KCNIP1: variants seen among roughly 807,000 people sequenced by gnomAD.
KCNIP1 encodes the protein potassium voltage-gated channel interacting protein 1.
In KCNIP1, 18 loss-of-function variants were observed where a neutral mutation model predicts 33.0. That is an observed-to-expected ratio of 0.55 (90% CI 0.38 to 0.81). The LOEUF (loss-of-function observed/expected upper bound fraction) is 0.81, where lower values mean the gene tolerates loss of function less well. Ranked by LOEUF, KCNIP1 falls within the 30% of genes least tolerant of loss-of-function variation. The pLI is 0.00. For missense variants in KCNIP1, 238 were observed against 271.6 expected (o/e 0.88, Z 0.87); for synonymous variants, 93 against 98.3 (o/e 0.95, Z 0.32).
At chr5:170,650,283 C>T (rs1337465202) in intron 1 of KCNIP1, among the ~76,000 whole-genome samples, 1 of 151,938 alleles carries the variant, frequency 6.6e-6, no homozygotes, top group East Asian at 1.9e-4. Flanking sequence ...ATAACTATCA[C>T]CCCCCAAAGT....
At position 170,693,280 on chromosome 5, in the gene KCNIP1, A is replaced by G. The variant is rs1022865865; in HGVS notation, c.62-25478A>G. Among the ~76,000 whole-genome samples, 9 of 151,886 alleles carry G rather than the reference A, an allele frequency of 5.9e-5. 1 individual carries two copies. In the South Asian group the frequency reaches 1.9e-3, roughly 32 times the overall value. On this transcript the variant is annotated intron_variant, in intron 1 of 7. Coordinates refer to ENST00000328939, the MANE Select transcript of KCNIP1 (RefSeq NM_014592.4). ...CCCGACACACACACATTGTCCCTTC[A>G]AGATGGAGCCAGGCTGACACCACGT...
chr5:170,665,927 A>G (rs1467000915), intron 1 of KCNIP1, among the ~76,000 whole-genome samples: 1 of 152,186 alleles, frequency 6.6e-6, no homozygotes, highest in Non-Finnish European at 1.5e-5. Context: ...TGAAGAGTGC[A>G]TGTTATCAAC....
In KCNIP1 at chr5:170,637,993, A is replaced by G. The variant is rs568705700; in HGVS notation, c.62-80765A>G. 1.2e-4 allele frequency among the ~76,000 whole-genome samples: 17 copies of G among 143,780 alleles called. No homozygotes were observed. The South Asian group carries it at 1.7e-3, about 15-fold the overall frequency. The allele number at this position is 143,780 out of a possible 152,430, so 94.3% of individuals were successfully genotyped here. A position where few individuals can be genotyped will look rare whatever the true frequency, so the allele number is the denominator to read the frequency against. On this transcript the variant is annotated intron_variant, in intron 1 of 7. Transcript: ENST00000328939. ...ATTCTCCACCCTCCCAGTTCAGCTT[A>G]AAGCAGAGAAGTGAGAGGTGCCCAA...
chr5:170,477,643 C>T (rs1014381648), intron 1 of KCNIP1, among the ~76,000 whole-genome samples: 1 of 152,024 alleles, frequency 6.6e-6, no homozygotes, highest in African/African-American at 2.4e-5. Context: ...ACAGTTTCAC[C>T]GTGTGGGCCA....
At chr5:170,461,084 T>A (rs1470955348) in intron 1 of KCNIP1, among the ~76,000 whole-genome samples, 1 of 151,986 alleles carries the variant, frequency 6.6e-6, no homozygotes, top group Non-Finnish European at 1.5e-5. Context: ...AATAAAATAC[T>A]TAGGAATATA....
chr5:170,601,464 C>T (rs1379982514), intron 1 of KCNIP1, among the ~76,000 whole-genome samples: 3 of 152,200 alleles, frequency 2.0e-5, no homozygotes, highest in African/African-American at 7.2e-5. Flanking sequence ...AGGGCTCCAG[C>T]TCCAGGGCTC....
chr5:170,401,616 G>C (rs1383996340), intron 1 of KCNIP1, among the ~76,000 whole-genome samples: 1 of 152,116 alleles, frequency 6.6e-6, no homozygotes, highest in Non-Finnish European at 1.5e-5. Flanking sequence ...CTTTTAATGA[G>C]CCAGGCATGG....
chr5:170,495,034 T>C (rs1757283084), intron 1 of KCNIP1, among the ~76,000 whole-genome samples: 1 of 152,228 alleles, frequency 6.6e-6, no homozygotes, highest in Admixed American at 6.5e-5. Flanking sequence ...ACCAGAAAGT[T>C]ACTTTGCTTA....
intron 1 of KCNIP1, among the ~76,000 whole-genome samples, chr5:170,710,674 G>T (rs1405290153): frequency 6.6e-6 from 1 of 152,184 alleles, no homozygotes; most frequent in Non-Finnish European, 1.5e-5. Context: ...CTTCAAAAAT[G>T]ATGAGATTTT....
intron 1 of KCNIP1, among the ~76,000 whole-genome samples, chr5:170,574,382 CA>C (rs1757523070): frequency 6.6e-6 from 1 of 152,132 alleles, no homozygotes; most frequent in African/African-American, 2.4e-5. Flanking sequence ...AAAGATTAAG[CA>C]AAACAAGTCA....
chr5:170,493,024 A>T (rs1757239129), intron 1 of KCNIP1, among the ~76,000 whole-genome samples: 1 of 152,196 alleles, frequency 6.6e-6, no homozygotes, highest in African/African-American at 2.4e-5. Context: ...CTGGGATTAC[A>T]GGCGTAAGCC....
chr5:170,514,228 T>A (rs1755041432), intron 1 of KCNIP1, among the ~76,000 whole-genome samples: 1 of 152,192 alleles, frequency 6.6e-6, no homozygotes, highest in South Asian at 2.1e-4. Flanking sequence ...GAGTGAGGGA[T>A]GTTCTGGTGG....
chr5:170,378,668 G>C (rs761760554), intron 1 of KCNIP1: 4 of 1,566,706 alleles, frequency 2.6e-6, no homozygotes, highest in South Asian at 1.2e-5. Context: ...CCAGTCCCCT[G>C]TGCCCTGACA....
chr5:170,517,348 C>A (rs1444745057), intron 1 of KCNIP1, among the ~76,000 whole-genome samples: 1 of 152,172 alleles, frequency 6.6e-6, no homozygotes, highest in Non-Finnish European at 1.5e-5. Flanking sequence ...CCCACCTTGT[C>A]CCTCCCCCAA....
At chr5:170,521,602 C>T (rs940077331) in intron 1 of KCNIP1, among the ~76,000 whole-genome samples, 2 of 152,206 alleles carry the variant, frequency 1.3e-5, no homozygotes, top group Admixed American at 6.5e-5. Flanking sequence ...CAAGGGGAAT[C>T]AAAGTTAGAA....
At chr5:170,388,472 T>A (rs1304882094) in intron 1 of KCNIP1, among the ~76,000 whole-genome samples, 1 of 152,232 alleles carries the variant, frequency 6.6e-6, no homozygotes, top group African/African-American at 2.4e-5. Context: ...AACTTCCCAG[T>A]TTTGAGCATT....
chr5:170,417,411 G>C (rs1318825950), intron 1 of KCNIP1, among the ~76,000 whole-genome samples: 1 of 152,174 alleles, frequency 6.6e-6, no homozygotes, highest in Non-Finnish European at 1.5e-5. Flanking sequence ...CTCTTCTGGG[G>C]AATTAGTGAG....
chr5:170,735,686 T>G (rs1196790799), intron 7 of KCNIP1, 73 bp from the exon 8 acceptor site: 10 of 1,302,288 alleles, frequency 7.7e-6, no homozygotes, highest in Non-Finnish European at 1.1e-5. Flanking sequence ...GCTTGACATT[T>G]GCTCACCAGA....
At chr5:170,648,694 G>A (rs1034411262) in intron 1 of KCNIP1, among the ~76,000 whole-genome samples, 2 of 152,286 alleles carry the variant, frequency 1.3e-5, no homozygotes, top group East Asian at 1.9e-4. Context: ...GACATATGTC[G>A]TAATTCATTT....
Sources: gnomAD v4.1 joint callset for allele counts (sites outside exome capture counted in the v4.1 genomes callset) on GRCh38, gnomAD v4.1.1 for gene constraint, MANE v1.5 for transcripts, NCBI Gene and HGNC (gene_info 2026-07-23, HGNC 2026-07-21) for gene names.